The following STAG1 variants were observed in gnomAD, a reference collection of about 807,000 sequenced individuals.
The protein encoded by STAG1 is STAG1 cohesin complex component.
STAG1 carries 26 observed loss-of-function variants against 170.9 expected under a neutral mutation model. The ratio of observed to expected loss-of-function variants is 0.15; its 90% CI spans 0.11 to 0.21. STAG1 has a LOEUF of 0.21. Among genes scored for constraint, STAG1 ranks in the 10% least tolerant of loss-of-function variants. STAG1 has a pLI of 1.00. For missense variants in STAG1, 964 were observed against 1,509.5 expected (o/e 0.64, Z 5.99); for synonymous variants, 514 against 497.7 (o/e 1.03, Z -0.44).
chr3:136,659,472 T>C (rs1270683157), intron 1 of STAG1, among the ~76,000 whole-genome samples: 1 of 152,208 alleles, frequency 6.6e-6, no homozygotes, highest in Non-Finnish European at 1.5e-5. Context: ...AGAGTTGCCA[T>C]AGCAACAGCT....
At chr3:136,424,879 C>T (rs937123923) in intron 16 of STAG1, among the ~76,000 whole-genome samples, 5 of 151,900 alleles carry the variant, frequency 3.3e-5, no homozygotes, top group South Asian at 2.1e-4. Context: ...CTCACTCTGT[C>T]GCCAGGCTAG....
At chr3:136,738,121 G>C (rs1934449754) in intron 1 of STAG1, among the ~76,000 whole-genome samples, 1 of 152,076 alleles carries the variant, frequency 6.6e-6, no homozygotes, top group Non-Finnish European at 1.5e-5. Flanking sequence ...TCAATTCATA[G>C]AAGCACAGAG....
At chr3:136,385,493 C>T (rs1245926965) in intron 22 of STAG1, among the ~76,000 whole-genome samples, 2 of 152,052 alleles carry the variant, frequency 1.3e-5, no homozygotes, top group African/African-American at 2.4e-5. Context: ...TCAGATGGCT[C>T]GAGTAGTAAG....
intron 1 of STAG1, among the ~76,000 whole-genome samples, chr3:136,741,792 C>T (rs971068504): frequency 2.0e-5 from 3 of 151,836 alleles, no homozygotes; most frequent in Admixed American, 6.6e-5. Context: ...AAGCAATACT[C>T]GACTATATAC....
At chr3:136,369,025 T>C (rs1181269500) in intron 24 of STAG1, 83 bp downstream of exon 24, 2 of 1,269,196 alleles carry the variant, frequency 1.6e-6, no homozygotes, top group African/African-American at 1.6e-5. Flanking sequence ...CGATAATTTT[T>C]AGAACTGAAT....
intron 1 of STAG1, among the ~76,000 whole-genome samples, chr3:136,678,863 A>G (rs1261592423): frequency 4.0e-5 from 6 of 150,934 alleles, no homozygotes; most frequent in African/African-American, 9.7e-5. Flanking sequence ...AAAAAAAAAA[A>G]AAAGAAAAAG....
At chr3:136,679,342 G>A in intron 1 of STAG1, among the ~76,000 whole-genome samples, 1 of 152,190 alleles carries the variant, frequency 6.6e-6, no homozygotes, top group East Asian at 1.9e-4. Flanking sequence ...CACTTTGGGA[G>A]GCCGAGGCGG....
At chr3:136,620,682 T>C (rs906502917) in intron 3 of STAG1, among the ~76,000 whole-genome samples, 8 of 152,324 alleles carry the variant, frequency 5.3e-5, no homozygotes, top group East Asian at 1.9e-4. Context: ...ATGGGACTGA[T>C]TGAGTTAGGT....
Position 136,371,307 on chromosome 3 carries a change from C to T in STAG1, c.2371-2025G>A, listed in dbSNP as rs564851379. ...AAATTTTCTCCCATTCTGTAGGTTG[C>T]CTGTTCACTCTGATGGTAGTTTCTT... On this transcript the variant is annotated intron_variant, in intron 23 of 33. Coordinates refer to ENST00000383202, the MANE Select transcript of STAG1 (RefSeq NM_005862.3). Among the ~76,000 whole-genome samples, 94 of 152,228 alleles carry T rather than the reference C, an allele frequency of 6.2e-4. 1 individual carries two copies. The South Asian group carries it at 0.019, about 30-fold the overall frequency.
At chr3:136,651,300 A>G (rs1941208400) in intron 1 of STAG1, among the ~76,000 whole-genome samples, 1 of 151,700 alleles carries the variant, frequency 6.6e-6, no homozygotes, top group Admixed American at 6.6e-5. Context: ...CGGGAAGTCA[A>G]AGCTGCAGTG....
intron 22 of STAG1, 134 bp downstream of exon 22, chr3:136,398,615 G>A (rs2087235115): frequency 2.7e-6 from 1 of 367,448 alleles, no homozygotes; most frequent in Non-Finnish European, 4.3e-6. Context: ...CCAAGAACTG[G>A]TAATAGTCAT....
intron 22 of STAG1, among the ~76,000 whole-genome samples, chr3:136,382,401 CTTTTTT>C (rs1033807448): frequency 2.2e-5 from 3 of 134,600 alleles, no homozygotes; most frequent in African/African-American, 5.4e-5. Context: ...CCAAGGCTTT[CTTTTTT>C]TTTTTTTTTT....
intron 4 of STAG1, among the ~76,000 whole-genome samples, chr3:136,595,539 A>C (rs1265750642): frequency 6.6e-6 from 1 of 151,844 alleles, no homozygotes; most frequent in African/African-American, 2.4e-5. Flanking sequence ...TGAAAATACA[A>C]AACTGCGGGC....
chr3:136,742,755 TA>T (rs1934737362), intron 1 of STAG1, among the ~76,000 whole-genome samples: 1 of 151,504 alleles, frequency 6.6e-6, no homozygotes, highest in South Asian at 2.1e-4. Flanking sequence ...CACACACTTC[TA>T]AGTAATCCAT....
Position 136,448,919 on chromosome 3 carries a change from C to T in STAG1, c.1428+3114G>A, listed in dbSNP as rs1313475515. Among the ~76,000 whole-genome samples, 7 of 150,584 alleles carry T rather than the reference C, an allele frequency of 4.6e-5. No individual in the cohort carries two copies. In the East Asian group the frequency reaches 9.8e-4, roughly 21 times the overall value. ...GCACCACTGCACTCCAGCAAGACTCCATCCCAAAAAAAAAAGACTCTTTCT... is the reference window on the plus strand; with the variant it reads ...GCACCACTGCACTCCAGCAAGACTCTATCCCAAAAAAAAAAGACTCTTTCT... On this transcript the variant is annotated intron_variant, in intron 14 of 33. Transcript: ENST00000383202.
intron 21 of STAG1, among the ~76,000 whole-genome samples, chr3:136,401,995 C>T (rs541197696): frequency 2.0e-4 from 31 of 151,948 alleles, no homozygotes; most frequent in Non-Finnish European, 4.0e-4. Flanking sequence ...CCACCCGCCT[C>T]GACCTCCCAA....
chr3:136,603,377 A>T (rs1938770347), intron 4 of STAG1, among the ~76,000 whole-genome samples: 1 of 150,698 alleles, frequency 6.6e-6, no homozygotes, highest in South Asian at 2.1e-4. Context: ...TTCACAATTT[A>T]AAAATATCCT....
chr3:136,485,224 G>C (rs1322548365), intron 9 of STAG1, among the ~76,000 whole-genome samples: 1 of 152,188 alleles, frequency 6.6e-6, no homozygotes, highest in Non-Finnish European at 1.5e-5. Flanking sequence ...TTGGGAGGCT[G>C]AGGTGGGCAG....
intron 22 of STAG1, among the ~76,000 whole-genome samples, chr3:136,386,939 A>G (rs2086888819): frequency 6.6e-6 from 1 of 152,238 alleles, no homozygotes; most frequent in Non-Finnish European, 1.5e-5. Context: ...AGAAATAAAC[A>G]GTAAAGTAGC....
Sources: gnomAD v4.1 joint callset for allele counts (sites outside exome capture counted in the v4.1 genomes callset) on GRCh38, gnomAD v4.1.1 for gene constraint, MANE v1.5 for transcripts, NCBI Gene and HGNC (gene_info 2026-07-23, HGNC 2026-07-21) for gene names.